The following PRIM2 variants were observed in gnomAD, a reference collection of about 807,000 sequenced individuals.
PRIM2 encodes DNA primase large subunit.
A neutral mutation model predicts 67.3 loss-of-function variants in PRIM2; 39 were observed. The ratio of observed to expected loss-of-function variants is 0.58; its 90% confidence interval spans 0.45 to 0.76. The LOEUF (loss-of-function observed/expected upper bound fraction) is 0.76, where lower values mean the gene tolerates loss of function less well. Among genes scored for constraint, PRIM2 ranks in the 30% least tolerant of loss-of-function variants. The probability of loss-of-function intolerance (pLI) is 0.00; values close to 1 mark genes in which losing one functional copy is unlikely to be tolerated. For missense variants in PRIM2, 398 were observed against 598.7 expected (o/e 0.66, Z 3.50); for synonymous variants, 143 against 198.7 (o/e 0.72, Z 2.36).
the PRIM2 span, among the ~76,000 whole-genome samples, chr6:57,243,062 T>C: frequency 6.6e-6 from 1 of 152,212 alleles, no homozygotes. Context: ...TCTTAGAAGG[T>C]TCCTAATGTT....
the PRIM2 span, among the ~76,000 whole-genome samples, chr6:57,296,255 A>G: frequency 6.6e-6 from 1 of 151,930 alleles, no homozygotes; most frequent in East Asian, 1.9e-4. Context: ...ACAAAGAATT[A>G]TATACAAATA....
the PRIM2 span, among the ~76,000 whole-genome samples, chr6:57,284,475 A>G: frequency 6.6e-6 from 1 of 152,206 alleles, no homozygotes; most frequent in African/African-American, 2.4e-5. Flanking sequence ...TACTCAATAC[A>G]TACTCAACAT....
At chr6:57,399,928 A>G (rs1180154861) in intron 7 of PRIM2, among the ~76,000 whole-genome samples, 1 of 152,098 alleles carries the variant, frequency 6.6e-6, no homozygotes, top group East Asian at 1.9e-4. Context: ...AGTTCATTGT[A>G]GATTCTGGAT....
intron 4 of PRIM2, among the ~76,000 whole-genome samples, chr6:57,324,769 T>C (rs569912470): frequency 3.4e-4 from 52 of 152,328 alleles, no homozygotes; most frequent in African/African-American, 1.2e-3. Context: ...TTTTTAAAAA[T>C]TGTTTTTCCC....
intron 5 of PRIM2, among the ~76,000 whole-genome samples, chr6:57,337,872 G>A (rs1162051199): frequency 3.3e-5 from 5 of 152,084 alleles, no homozygotes; most frequent in African/African-American, 1.2e-4. Context: ...CAGAACTGAA[G>A]GAAATAGAGA....
At chr6:57,464,656 G>A (rs920179470) in intron 7 of PRIM2, among the ~76,000 whole-genome samples, 1 of 151,352 alleles carries the variant, frequency 6.6e-6, no homozygotes, top group East Asian at 1.9e-4. Flanking sequence ...GAATAAATAA[G>A]CCAGCTACCA....
the PRIM2 span, among the ~76,000 whole-genome samples, chr6:57,263,126 C>T: frequency 6.6e-6 from 1 of 152,140 alleles, no homozygotes; most frequent in Non-Finnish European, 1.5e-5. Flanking sequence ...AACCACATTT[C>T]CTACCATTTA....
At chr6:57,445,421 A>G (rs1365544511) in intron 7 of PRIM2, among the ~76,000 whole-genome samples, 5 of 152,152 alleles carry the variant, frequency 3.3e-5, no homozygotes, top group Non-Finnish European at 5.9e-5. Flanking sequence ...GTAACATAGC[A>G]CCCATTATCC....
chr6:57,557,405 G>A (rs1322185112), intron 10 of PRIM2, among the ~76,000 whole-genome samples: 1 of 152,034 alleles, frequency 6.6e-6, no homozygotes, highest in Non-Finnish European at 1.5e-5. Flanking sequence ...AAGACAATGT[G>A]GTACACATAT....
At chr6:57,246,906 G>A in the PRIM2 span, among the ~76,000 whole-genome samples, 1 of 150,782 alleles carries the variant, frequency 6.6e-6, no homozygotes, top group Non-Finnish European at 1.5e-5. Context: ...CCAGGCTAGA[G>A]TGCGGTGGCG....
chr6:57,241,249 A>G, the PRIM2 span, among the ~76,000 whole-genome samples: 1 of 151,638 alleles, frequency 6.6e-6, no homozygotes, highest in Admixed American at 6.6e-5. Flanking sequence ...GAAAAAAAGA[A>G]AAAAGAAAAA....
intron 5 of PRIM2, among the ~76,000 whole-genome samples, chr6:57,366,978 T>G (rs1250672203): frequency 2.0e-5 from 3 of 152,192 alleles, no homozygotes; most frequent in Non-Finnish European, 4.4e-5. Flanking sequence ...GAAATATGCT[T>G]TAGTATAAGT....
At chr6:57,358,926 C>G (rs7760209) in intron 5 of PRIM2, among the ~76,000 whole-genome samples, 1 of 152,142 alleles carries the variant, frequency 6.6e-6, no homozygotes, top group African/African-American at 2.4e-5. Context: ...ATCTCAGTAG[C>G]TTTAAAAAAT....
At chr6:57,537,738 A>G in intron 10 of PRIM2, 113 bp downstream of exon 10, 1 of 541,982 alleles carries the variant, frequency 1.8e-6, no homozygotes, top group Non-Finnish European at 2.8e-6. Flanking sequence ...TGAAAATTCT[A>G]AAAGGATAAA....
chr6:57,626,152 C>G (rs1776946588), intron 12 of PRIM2, among the ~76,000 whole-genome samples: 1 of 152,226 alleles, frequency 6.6e-6, no homozygotes, highest in Non-Finnish European at 1.5e-5. Flanking sequence ...GCTCTGCTCA[C>G]CAAAGCCAAA....
intron 1 of PRIM2, among the ~76,000 whole-genome samples, chr6:57,317,985 A>G (rs557611140): frequency 1.3e-5 from 2 of 152,320 alleles, no homozygotes; most frequent in East Asian, 1.9e-4. Context: ...TCCCAGAGTC[A>G]TAACAGAGGA....
intron 12 of PRIM2, among the ~76,000 whole-genome samples, chr6:57,616,059 A>G (rs1478456011): frequency 1.3e-5 from 2 of 152,242 alleles, no homozygotes; most frequent in Admixed American, 1.3e-4. Flanking sequence ...ATATGCCACA[A>G]TGAAGTTAAC....
intron 8 of PRIM2, among the ~76,000 whole-genome samples, chr6:57,530,459 G>T (rs1163955378): frequency 1.3e-5 from 2 of 152,192 alleles, no homozygotes; most frequent in African/African-American, 2.4e-5. Context: ...TTCTCACTGG[G>T]AAAAGGTGGG....
At chr6:57,296,534 T>G in the PRIM2 span, among the ~76,000 whole-genome samples, 1 of 151,992 alleles carries the variant, frequency 6.6e-6, no homozygotes, top group Non-Finnish European at 1.5e-5. Context: ...GTAAATTGTA[T>G]GTATATATAG....
Sources: allele counts gnomAD v4.1 joint callset (sites outside exome capture counted in the v4.1 genomes callset), GRCh38; gene constraint gnomAD v4.1.1; transcripts MANE v1.5; gene names NCBI Gene and HGNC (gene_info 2026-07-23, HGNC 2026-07-21).